The following AFDN variants were observed in gnomAD, a reference collection of about 807,000 sequenced individuals.
AFDN encodes afadin, adherens junction formation factor.
Under a neutral mutation model 216.6 loss-of-function variants are expected in AFDN, and 68 were observed. The ratio of observed to expected loss-of-function variants is 0.31; its 90% CI spans 0.26 to 0.38. AFDN has a LOEUF of 0.38. Ranked by LOEUF, AFDN falls within the 10% of genes least tolerant of loss-of-function variation. The pLI is 1.00. For synonymous variants in AFDN, 868 were observed against 853.7 expected, an observed-to-expected ratio of 1.02 and a Z score of -0.29; for missense variants, 2,136 against 2,342.0, an observed-to-expected ratio of 0.91 and a Z score of 1.82.
intron 10 of AFDN, among the ~76,000 whole-genome samples, chr6:167,897,642 CTTTTTTTT>C (rs57383020): frequency 1.1e-4 from 10 of 89,712 alleles, no homozygotes; most frequent in African/African-American, 2.5e-4. Flanking sequence ...GACTGTATGC[CTTTTTTTT>C]TTTTTTTTTT....
Position 167,965,800 on chromosome 6 carries a change from G to GGCGCAGACAGCACGACGAGGC in AFDN, c.5014_5034dup (p.Arg1672_Ala1678dup), listed in dbSNP as rs1797481546. On this transcript the variant is annotated inframe_insertion, in exon 32 of 34. Coordinates refer to ENST00000683244, the MANE Select transcript of AFDN (RefSeq NM_001386888.1). Reference sequence around the variant, plus strand: ...TATTACAGCCGCCTGGAAGCCGAGAGGCGCAGACAGCACGACGAGGCGGCG... The same window carrying GGCGCAGACAGCACGACGAGGC: ...TATTACAGCCGCCTGGAAGCCGAGAGGCGCAGACAGCACGACGAGGCGCGCAGACAGCACGACGAGGCGGCG... 1 of 1,568,644 alleles carries GGCGCAGACAGCACGACGAGGC rather than the reference G, an allele frequency of 6.4e-7. No homozygotes were observed. Among genetic ancestry groups the GGCGCAGACAGCACGACGAGGC allele is most frequent in the Non-Finnish European group, 8.6e-7 (1 of 1,158,358 alleles).
chr6:167,965,755 A>G lies in AFDN; in HGVS notation c.4969-2A>G. On this transcript the variant is annotated splice_acceptor_variant, in intron 31 of 33. Transcript: ENST00000683244. LOFTEE classifies it high-confidence loss of function. ...TGCACTCTTGTCTATTCCCGCCCGC[A>G]GAGGCGACAGGAAGAAGGGTATTAC... 6.5e-7 allele frequency: 1 copy of G among 1,532,652 alleles called. No homozygotes were observed. Among genetic ancestry groups the G allele is most frequent in the Admixed American group, 2.0e-5 (1 of 49,296 alleles). 94.9% of individuals were successfully genotyped at this position (1,532,652 alleles called of 1,614,324 possible).
intron 12 of AFDN, 51 bp downstream of exon 12, chr6:167,902,437 T>C (rs370941230): frequency 9.7e-5 from 128 of 1,324,464 alleles, no homozygotes; most frequent in Non-Finnish European, 1.3e-4. Flanking sequence ...TAGGACACCA[T>C]GGATGAATAC....
In AFDN at chr6:167,865,105, A is replaced by AGTATT. The variant is rs1554284869; in HGVS notation, c.301+359_301+360insGTATT. 5.3e-5 allele frequency among the ~76,000 whole-genome samples: 8 copies of AGTATT among 151,916 alleles called. No individual in the cohort carries two copies. In the East Asian group the frequency reaches 1.2e-3, roughly 22 times the overall value. On this transcript the variant is annotated intron_variant, in intron 2 of 33. Transcript: ENST00000683244. ...TATGTGGCTCTTATGTAGAGATTAT[A>AGTATT]ATAATTGTAACACAGTTAAATATTA...
chr6:167,863,025 C>G (rs531285152), intron 1 of AFDN, among the ~76,000 whole-genome samples: 4 of 152,304 alleles, frequency 2.6e-5, no homozygotes, highest in African/African-American at 9.6e-5. Context: ...CTTACTGTCT[C>G]ACTTTTTTGT....
chr6:167,963,979 C>T, intron 31 of AFDN: 5 of 1,064,682 alleles, frequency 4.7e-6, no homozygotes, highest in Non-Finnish European at 5.7e-6. Context: ...TATAGCTGGG[C>T]CCAGTCCTGG....
Position 167,952,160 on chromosome 6 carries a change from G to C in AFDN, c.4806G>C (p.Gln1602His). The C allele has an allele frequency of 6.2e-7, 1 of 1,614,176 alleles. No individual in the cohort carries two copies. The highest frequency in any genetic ancestry group is 8.5e-7 in the Non-Finnish European group (1 of 1,180,026). ...DDDVDTMLIM[Q>H]RLEAERRARL... ...ATGTGGACACCATGCTGATCATGCAGCGCCTGGAGGCTGAACGAAGAGCGA... is the reference window on the plus strand; with the variant it reads ...ATGTGGACACCATGCTGATCATGCACCGCCTGGAGGCTGAACGAAGAGCGA... Residue 1602 changes from glutamine (Q) to histidine (H), a missense_variant, in exon 30 of 34, where the codon CAG becomes CAC. This residue lies in a region of AFDN where 981 missense variants were observed against 966.0 expected (regional missense o/e 1.02). Coordinates refer to ENST00000683244, the MANE Select transcript of AFDN (RefSeq NM_001386888.1).
At chr6:167,854,569 CT>C (rs1346661957) in intron 1 of AFDN, among the ~76,000 whole-genome samples, 1 of 151,524 alleles carries the variant, frequency 6.6e-6, no homozygotes, top group African/African-American at 2.4e-5. Flanking sequence ...TGTGTTGTTT[CT>C]TTTTTGTATC....
intron 30 of AFDN, among the ~76,000 whole-genome samples, chr6:167,955,484 G>A (rs765215866): frequency 6.6e-6 from 1 of 151,978 alleles, no homozygotes; most frequent in Non-Finnish European, 1.5e-5. Flanking sequence ...GTACATAAGT[G>A]TAGCTGGAAG....
At position 167,870,404 on chromosome 6, in the gene AFDN, A is replaced by G; in HGVS notation, c.320A>G (p.Asp107Gly). The G allele has an allele frequency of 6.2e-7, 1 of 1,606,576 alleles. No homozygotes were observed. The highest frequency in any genetic ancestry group is 8.5e-7 in the Non-Finnish European group (1 of 1,175,600). Reference protein sequence around the residue: ...HVSGERRLDIDEKPLVVQLNW... With the variant: ...HVSGERRLDIGEKPLVVQLNW... ...GAAGAAGAAAGAAGATTGGATATAG[A>G]TGAGAAACCTCTAGTTGTACAACTG... The change falls in exon 3 of 34, where the codon GAT (aspartate) becomes GGT (glycine). Residue 107 changes from aspartate (D) to glycine (G), a missense_variant. Around this residue, in one of 8 missense-constraint regions of AFDN, gnomAD observed 817 missense variants for 965.7 expected, o/e 0.85. Coordinates refer to ENST00000683244, the MANE Select transcript of AFDN (RefSeq NM_001386888.1).
At chr6:167,921,028 T>G (rs976435848) in intron 21 of AFDN, among the ~76,000 whole-genome samples, 2 of 152,242 alleles carry the variant, frequency 1.3e-5, no homozygotes, top group African/African-American at 4.8e-5. Flanking sequence ...GATCCTGGGC[T>G]TGACCAGCTG....
chr6:167,965,698 G>A, intron 31 of AFDN, 59 bp from the exon 32 acceptor site: 1 of 1,445,738 alleles, frequency 6.9e-7, no homozygotes, highest in Non-Finnish European at 9.2e-7. Context: ...AAGGCCCAGT[G>A]GGTCGGCTGT....
chr6:167,861,970 T>TG (rs1783625370), intron 1 of AFDN, among the ~76,000 whole-genome samples: 2 of 152,212 alleles, frequency 1.3e-5, no homozygotes, highest in South Asian at 4.1e-4. Context: ...TGGAGAAGCC[T>TG]GGGGGTAGTT....
intron 12 of AFDN, among the ~76,000 whole-genome samples, chr6:167,904,177 G>A (rs1449352690): frequency 1.3e-5 from 2 of 151,212 alleles, no homozygotes; most frequent in Non-Finnish European, 2.9e-5. Context: ...TGTACCTTTG[G>A]TTCTGACCTC....
At chr6:167,963,269 G>A in intron 31 of AFDN, 1 of 1,063,694 alleles carries the variant, frequency 9.4e-7, no homozygotes, top group Non-Finnish European at 1.1e-6. Flanking sequence ...TGGATGAAGA[G>A]GCTGTAGCCG....
chr6:167,960,326 G>A (rs1338448473), intron 30 of AFDN, among the ~76,000 whole-genome samples: 2 of 152,136 alleles, frequency 1.3e-5, no homozygotes, highest in African/African-American at 4.8e-5. Flanking sequence ...CTTGCTGACC[G>A]CATTCCAGAT....
At position 167,951,880 on chromosome 6, in the gene AFDN, A is replaced by G. The variant is rs1190700632; in HGVS notation, c.4526A>G (p.Lys1509Arg). Residue 1509 changes from lysine to arginine, a missense_variant, in exon 30 of 34, where the codon AAA (lysine) becomes AGA (arginine). By Grantham distance (26) the Lys-to-Arg change is conservative (BLOSUM62 2). Transcript: ENST00000683244. The surrounding 1 kb of genome is among the most constrained non-coding windows in gnomAD (Gnocchi z 7.1). The part of the protein sequence containing the change: ...RRDLQYITVS[K>R]EELSSGDSLS... ...GACTTGCAGTACATTACAGTCAGCA[A>G]AGAGGAGCTTTCCTCGGGGGACAGT... is the stretch of plus-strand genomic sequence containing the variant. The G allele has an allele frequency of 6.2e-7, 1 of 1,613,984 alleles. No homozygotes were observed. The highest frequency in any genetic ancestry group is 2.2e-5 in the East Asian group (1 of 44,856).
At chr6:167,862,229 G>A (rs1303628004) in intron 1 of AFDN, among the ~76,000 whole-genome samples, 1 of 152,218 alleles carries the variant, frequency 6.6e-6, no homozygotes, top group East Asian at 1.9e-4. Context: ...GAACGAAGGT[G>A]AAGGAAAGCT....
intron 29 of AFDN, among the ~76,000 whole-genome samples, chr6:167,948,933 A>G (rs1795653597): frequency 6.6e-6 from 1 of 152,244 alleles, no homozygotes; most frequent in Non-Finnish European, 1.5e-5. Context: ...GCACAGCTGT[A>G]TGCACGGAAG....
Sources: gnomAD v4.1 joint callset for allele counts (sites outside exome capture counted in the v4.1 genomes callset) on GRCh38, gnomAD v4.1.1 for gene constraint, gnomAD v4.1.1 regional missense constraint, Gnocchi (gnomAD v3.1) non-coding constraint, MANE v1.5 for transcripts, NCBI Gene and HGNC (gene_info 2026-07-23, HGNC 2026-07-21) for gene names.